Variants in CSMD3 observed in about 807,000 individuals in gnomAD.
CSMD3 encodes the protein CUB and sushi domain-containing protein 3.
Under a neutral mutation model 435.2 loss-of-function variants are expected in CSMD3, and 177 were observed. The observed-to-expected ratio is 0.41, with a 90% confidence interval of 0.36 to 0.46. CSMD3 has a LOEUF of 0.46. Among genes scored for constraint, CSMD3 ranks in the 20% least tolerant of loss-of-function variants. The pLI, the probability that CSMD3 is intolerant of heterozygous loss-of-function variation, is 0.34. For missense variants in CSMD3, 4,265 were observed against 4,504.6 expected (o/e 0.95, Z 1.52); for synonymous variants, 1,656 against 1,520.5 (o/e 1.09, Z -2.07).
chr8:113,080,739 A>G (rs1182491316), intron 5 of CSMD3, among the ~76,000 whole-genome samples: 1 of 152,206 alleles, frequency 6.6e-6, no homozygotes, highest in African/African-American at 2.4e-5. Flanking sequence ...CTAACCAGAG[A>G]AACCAAATTT....
At chr8:113,047,533 T>G (rs577768917) in intron 5 of CSMD3, among the ~76,000 whole-genome samples, 1 of 152,346 alleles carries the variant, frequency 6.6e-6, no homozygotes, top group African/African-American at 2.4e-5. Context: ...ATTTTTGAAT[T>G]TACCAGAATA....
At chr8:112,254,591 C>T (rs927689383) in intron 62 of CSMD3, among the ~76,000 whole-genome samples, 1 of 152,030 alleles carries the variant, frequency 6.6e-6, no homozygotes. Flanking sequence ...TCAACTAGCT[C>T]TGTGGATGTA....
rs76906441 is a variant in CSMD3, at chr8:112,410,616, G to A, written c.5396-1584C>T. On this transcript the variant is annotated intron_variant, in intron 32 of 70. Transcript: ENST00000297405. Reference sequence around the variant, plus strand: ...TATATATATATGTGTATATATATATGTATATATATGTGTATATATATGTAT... The same window carrying A: ...TATATATATATGTGTATATATATATATATATATATGTGTATATATATGTAT... Among the ~76,000 whole-genome samples, 487 of 67,436 alleles carry A rather than the reference G, an allele frequency of 7.2e-3. 18 individuals are homozygous for A. The highest frequency in any genetic ancestry group is 0.022 in the African/African-American group (431 of 19,556). 44.2% of individuals were successfully genotyped at this position (67,436 alleles called of 152,430 possible).
At chr8:112,587,513 T>C (rs1042505590) in intron 22 of CSMD3, among the ~76,000 whole-genome samples, 1 of 151,746 alleles carries the variant, frequency 6.6e-6, no homozygotes, top group African/African-American at 2.4e-5. Context: ...TAGGAAAGGG[T>C]GAGAGCATGA....
chr8:112,815,118 A>G (rs968632340), intron 12 of CSMD3, among the ~76,000 whole-genome samples: 3 of 152,134 alleles, frequency 2.0e-5, no homozygotes, highest in African/African-American at 7.2e-5. Context: ...AAAAACCCTA[A>G]CACATCACAG....
chr8:112,509,681 T>C (rs1822894771), intron 28 of CSMD3, among the ~76,000 whole-genome samples: 1 of 152,184 alleles, frequency 6.6e-6, no homozygotes, highest in Non-Finnish European at 1.5e-5. Context: ...TTCAGTCTTA[T>C]TATCATACAC....
intron 22 of CSMD3, among the ~76,000 whole-genome samples, chr8:112,593,169 T>C (rs373938389): frequency 1.3e-5 from 2 of 152,202 alleles, no homozygotes; most frequent in Non-Finnish European, 1.5e-5. Flanking sequence ...TCTAAGACAT[T>C]TGAACTTTAT....
intron 1 of CSMD3, among the ~76,000 whole-genome samples, chr8:113,335,869 C>T (rs1336020131): frequency 1.3e-5 from 2 of 151,600 alleles, no homozygotes; most frequent in Admixed American, 6.6e-5. Flanking sequence ...TACTTTTTTT[C>T]GTTAGTTTTC....
chr8:112,666,475 T>C, intron 16 of CSMD3, 60 bp from the exon 17 acceptor site: 1 of 1,463,900 alleles, frequency 6.8e-7, no homozygotes, highest in Non-Finnish European at 9.5e-7. Flanking sequence ...CAGATATTAT[T>C]CTTAATACAA....
At chr8:113,205,594 T>C (rs2132049839) in intron 3 of CSMD3, among the ~76,000 whole-genome samples, 1 of 152,300 alleles carries the variant, frequency 6.6e-6, no homozygotes, top group Admixed American at 6.5e-5. Flanking sequence ...TCTTGGGACA[T>C]ATTCCCATCA....
chr8:112,606,054 C>A (rs1586791282), intron 22 of CSMD3, among the ~76,000 whole-genome samples: 2 of 152,076 alleles, frequency 1.3e-5, no homozygotes, highest in Admixed American at 6.6e-5. Context: ...TCAACTTAAA[C>A]AAGTATCTAC....
intron 3 of CSMD3, among the ~76,000 whole-genome samples, chr8:113,237,629 A>AATTACTCAG (rs1174076690): frequency 6.7e-6 from 1 of 149,456 alleles, no homozygotes. Flanking sequence ...TCTCTAGATG[A>AATTACTCAG]ATTACTCAGA....
intron 41 of CSMD3, among the ~76,000 whole-genome samples, chr8:112,345,235 T>C (rs2131017139): frequency 6.6e-6 from 1 of 152,280 alleles, no homozygotes; most frequent in East Asian, 1.9e-4. Flanking sequence ...ATCCTACCAC[T>C]GGGTATATGT....
chr8:112,680,273 T>C (rs977299902), intron 16 of CSMD3, among the ~76,000 whole-genome samples: 4 of 152,062 alleles, frequency 2.6e-5, no homozygotes, highest in Non-Finnish European at 4.4e-5. Context: ...CACAAGAATC[T>C]CTTGAACCCG....
intron 59 of CSMD3, among the ~76,000 whole-genome samples, chr8:112,270,564 C>T (rs1319617036): frequency 6.6e-6 from 1 of 152,108 alleles, no homozygotes; most frequent in Non-Finnish European, 1.5e-5. Flanking sequence ...ACCTTACCGA[C>T]TGAACTCTGT....
chr8:112,920,520 T>C (rs2082702529), intron 10 of CSMD3, among the ~76,000 whole-genome samples: 1 of 151,860 alleles, frequency 6.6e-6, no homozygotes, highest in Admixed American at 6.6e-5. Context: ...TAGATTTTAA[T>C]TCTACTGGGA....
chr8:113,220,385 AG>A (rs2092952907), intron 3 of CSMD3, among the ~76,000 whole-genome samples: 1 of 151,424 alleles, frequency 6.6e-6, no homozygotes, highest in Admixed American at 6.6e-5. Context: ...AGTTTAGTTA[AG>A]ACAGTCACAA....
intron 36 of CSMD3, among the ~76,000 whole-genome samples, chr8:112,384,170 C>T (rs1329710998): frequency 1.3e-5 from 2 of 152,130 alleles, no homozygotes; most frequent in African/African-American, 4.8e-5. Context: ...AAACTTTGCT[C>T]AATTTCTTCT....
At chr8:112,359,524 T>G (rs939334485) in intron 38 of CSMD3, among the ~76,000 whole-genome samples, 3 of 152,152 alleles carry the variant, frequency 2.0e-5, no homozygotes, top group Non-Finnish European at 4.4e-5. Context: ...TATCCCTATA[T>G]CTAGATTATT....
Sources: gnomAD v4.1 joint callset for allele counts (sites outside exome capture counted in the v4.1 genomes callset) on GRCh38, gnomAD v4.1.1 for gene constraint, MANE v1.5 for transcripts, NCBI Gene and HGNC (gene_info 2026-07-23, HGNC 2026-07-21) for gene names.